Variants in CHURC1 observed in about 807,000 individuals in gnomAD.
The protein encoded by CHURC1 is churchill domain containing 1.
In CHURC1, 12 loss-of-function variants were observed where a neutral mutation model predicts 15.4. The ratio of observed to expected loss-of-function variants is 0.78; its 90% confidence interval spans 0.50 to 1.27. CHURC1 has a LOEUF of 1.27. Ranked by LOEUF, CHURC1 falls within the 50% of genes most tolerant of loss-of-function variation. CHURC1 has a pLI of 0.00. For missense variants in CHURC1, 132 were observed against 137.8 expected, an observed-to-expected ratio of 0.96 and a Z score of 0.21; for synonymous variants, 42 against 47.5, an observed-to-expected ratio of 0.88 and a Z score of 0.48.
At chr14:64,922,679 G>A (rs1219925873) in intron 1 of CHURC1, among the ~76,000 whole-genome samples, 1 of 151,822 alleles carries the variant, frequency 6.6e-6, no homozygotes, top group Non-Finnish European at 1.5e-5. Flanking sequence ...TAGTAGTTAA[G>A]GCAGTACACC....
chr14:64,926,410 A>T (rs1884703607), intron 3 of CHURC1, among the ~76,000 whole-genome samples: 1 of 152,062 alleles, frequency 6.6e-6, no homozygotes, highest in South Asian at 2.1e-4. Context: ...ATTTGTGTAA[A>T]CCTGTCTTCA....
chr14:64,928,651 G>A (rs919841684), intron 3 of CHURC1, among the ~76,000 whole-genome samples: 5 of 151,510 alleles, frequency 3.3e-5, no homozygotes, highest in African/African-American at 9.8e-5. Flanking sequence ...TCTCTCATAC[G>A]TTTCCTATAA....
chr14:64,930,340 G>T (rs1885010197), intron 3 of CHURC1, among the ~76,000 whole-genome samples: 1 of 152,178 alleles, frequency 6.6e-6, no homozygotes, highest in Non-Finnish European at 1.5e-5. Flanking sequence ...TCCCAAGTTA[G>T]AATTCTAGAC....
intron 3 of CHURC1, 57 bp downstream of exon 3, chr14:64,926,137 G>T: frequency 8.2e-7 from 1 of 1,221,542 alleles, no homozygotes; most frequent in South Asian, 1.5e-5. Flanking sequence ...AATAATAAAA[G>T]TGCTCTTGAG....
intron 2 of CHURC1, among the ~76,000 whole-genome samples, chr14:64,925,565 G>T (rs1394949331): frequency 3.3e-5 from 5 of 151,796 alleles, no homozygotes; most frequent in African/African-American, 1.2e-4. Context: ...CCTCTCCTGG[G>T]CTCAAGTTAT....
chr14:64,927,071 A>G (rs534819087), intron 3 of CHURC1, among the ~76,000 whole-genome samples: 6 of 152,300 alleles, frequency 3.9e-5, no homozygotes, highest in African/African-American at 1.4e-4. Flanking sequence ...AATTTTTTCA[A>G]TTCCCTTCAC....
Position 64,933,865 on chromosome 14 carries a change from A to C in CHURC1, c.*1635A>C. 2 of 984,060 alleles carry C rather than the reference A, an allele frequency of 2.0e-6. No individual in the cohort carries two copies. Among genetic ancestry groups the C allele is most frequent in the Non-Finnish European group, 2.4e-6 (2 of 828,674 alleles). 61.0% of individuals were successfully genotyped at this position (984,060 alleles called of 1,614,324 possible). ...CTGAGCTTTATTAAGTACTTACTAC[A>C]TGCTAAGAGCTTTTTAAGCACTTAT... is the stretch of plus-strand genomic sequence containing the variant. On this transcript the variant is annotated 3_prime_UTR_variant, in exon 4 of 4. Transcript: ENST00000549115.
rs754326937 is a variant in CHURC1, at chr14:64,926,016, G to A, written c.182G>A (p.Cys61Tyr). The change falls in exon 3 of 4, where the codon TGT becomes TAT. Residue 61 changes from cysteine (C) to tyrosine (Y), a missense_variant. Physicochemically the swap from Cys to Tyr is radical, Grantham distance 194. Transcript: ENST00000549115. ...GEEIVTYDHL[C>Y]KNCHHVIARH... ...TCTCTCTTTGTTTTAGCAGATTTGT[G>A]TAAGAATTGTCATCATGTAATAGCC... 1.3e-6 allele frequency: 2 copies of A among 1,595,668 alleles called. No individual in the cohort carries two copies. Among genetic ancestry groups the A allele is most frequent in the Non-Finnish European group, 1.7e-6 (2 of 1,172,676 alleles).
At chr14:64,925,002 A>G (rs923525939) in intron 2 of CHURC1, among the ~76,000 whole-genome samples, 1 of 152,172 alleles carries the variant, frequency 6.6e-6, no homozygotes, top group Non-Finnish European at 1.5e-5. Context: ...TCTTTTTAGC[A>G]TATGTTTTCT....
At chr14:64,930,774 T>C (rs1050216663) in intron 3 of CHURC1, 1 of 438,476 alleles carries the variant, frequency 2.3e-6, no homozygotes, top group Non-Finnish European at 4.5e-6. Flanking sequence ...CTCTTTACTT[T>C]TTTCCTTCTT....
rs1314717645 is a variant in CHURC1, at chr14:64,933,317, A to G, written c.*1087A>G. The G allele has an allele frequency of 2.3e-5, 22 of 961,112 alleles. No individual in the cohort carries two copies. Among genetic ancestry groups the G allele is most frequent in the Admixed American group, 6.2e-5 (1 of 16,240 alleles). The allele number at this position is 961,112 out of a possible 1,614,324, so 59.5% of individuals were successfully genotyped here. The stretch of plus-strand genomic sequence containing the variant: ...CGAAAAGAAAAAAAGGTCATTTGGT[A>G]GAAACTAGGGAAATCTGAATACAGT... On this transcript the variant is annotated 3_prime_UTR_variant, in exon 4 of 4. Transcript: ENST00000549115.
chr14:64,923,257 A>ACC (rs1451762720), intron 1 of CHURC1, among the ~76,000 whole-genome samples: 3 of 127,694 alleles, frequency 2.3e-5, no homozygotes, highest in Non-Finnish European at 4.8e-5. Context: ...ACATAGCAAG[A>ACC]CCCCATCTCA....
chr14:64,917,685 A>G (rs751760549), intron 1 of CHURC1, among the ~76,000 whole-genome samples: 2 of 152,212 alleles, frequency 1.3e-5, no homozygotes, highest in Non-Finnish European at 2.9e-5. Flanking sequence ...TGATCGTGCC[A>G]TTGCACTCCA....
intron 1 of CHURC1, 25 bp downstream of exon 1, chr14:64,914,559 C>T: frequency 6.2e-7 from 1 of 1,613,970 alleles, no homozygotes; most frequent in Non-Finnish European, 8.5e-7. Context: ...GCTCCCTTGG[C>T]CCGCGGGCGG....
intron 1 of CHURC1, among the ~76,000 whole-genome samples, chr14:64,919,557 TTCAA>T (rs148456579): frequency 3.9e-5 from 6 of 152,328 alleles, no homozygotes; most frequent in African/African-American, 1.4e-4. Flanking sequence ...AAGTATACTT[TTCAA>T]TCAATTACCT....
rs1885278379 is a variant in CHURC1 at position 64,935,318 on chromosome 14, A to G, written c.*3088A>G. 2 of 804,740 alleles carry G rather than the reference A, an allele frequency of 2.5e-6. No individual in the cohort carries two copies. Among genetic ancestry groups the G allele is most frequent in the Admixed American group, 6.3e-5 (1 of 15,984 alleles). 49.8% of individuals were successfully genotyped at this position (804,740 alleles called of 1,614,324 possible). A position where few individuals can be genotyped will look rare whatever the true frequency, so the allele number is the denominator to read the frequency against. On this transcript the variant is annotated 3_prime_UTR_variant, in exon 4 of 4. Transcript: ENST00000549115. The stretch of plus-strand genomic sequence containing the variant: ...CCTGCACATCGTGCACATGTACCCT[A>G]AAACTTAAAGTATAATAATAATAAA...
At position 64,932,641 on chromosome 14, in the gene CHURC1, TAA is replaced by T; in HGVS notation, c.*422_*423del. 2 of 171,666 alleles carry T rather than the reference TAA, an allele frequency of 1.2e-5. No homozygotes were observed. The highest frequency in any genetic ancestry group is 2.3e-5 in the Non-Finnish European group (2 of 88,738). The allele number at this position is 171,666 out of a possible 1,614,324, so 10.6% of individuals were successfully genotyped here. ...CCACAGAAAAATGAAGTACTGAAAT[TAA>T]AAAAAAAAAATCATAGTGATTGGGA... On this transcript the variant is annotated 3_prime_UTR_variant, in exon 4 of 4. Transcript: ENST00000549115.
intron 2 of CHURC1, chr14:64,924,425 T>C (rs1884541288): frequency 1.0e-5 from 2 of 191,794 alleles, no homozygotes; most frequent in South Asian, 1.4e-4. Flanking sequence ...TAACAAGATA[T>C]ACTTTTTATT....
intron 1 of CHURC1, among the ~76,000 whole-genome samples, chr14:64,915,304 T>C (rs1383520047): frequency 1.3e-5 from 2 of 152,246 alleles, no homozygotes; most frequent in Non-Finnish European, 2.9e-5. Context: ...AGCTGGATTA[T>C]TTGTTTCAGA....
Sources: allele counts gnomAD v4.1 joint callset (sites outside exome capture counted in the v4.1 genomes callset), GRCh38; gene constraint gnomAD v4.1.1; transcripts MANE v1.5; gene names NCBI Gene and HGNC (gene_info 2026-07-23, HGNC 2026-07-21).